PI4KA: variants seen among roughly 807,000 people sequenced by gnomAD.
The protein encoded by PI4KA is phosphatidylinositol 4-kinase alpha.
Under a neutral mutation model 271.4 loss-of-function variants are expected in PI4KA, and 122 were observed. The ratio of observed to expected loss-of-function variants is 0.45; its 90% CI spans 0.39 to 0.52. The LOEUF is 0.52. Among genes scored for constraint, PI4KA ranks in the 20% least tolerant of loss-of-function variants. The pLI is 0.00. For synonymous variants in PI4KA, 1,041 were observed against 1,078.8 expected (o/e 0.96, Z 0.69); for missense variants, 1,969 against 2,769.1 (o/e 0.71, Z 6.48).
At chr22:20,746,346 G>A (rs931647210) in intron 29 of PI4KA, among the ~76,000 whole-genome samples, 1 of 152,066 alleles carries the variant, frequency 6.6e-6, no homozygotes, top group African/African-American at 2.4e-5. Flanking sequence ...ACAGGCATGA[G>A]CCACCGTGCC....
chr22:20,842,102 C>A (rs567864515), intron 1 of PI4KA, among the ~76,000 whole-genome samples: 33 of 152,204 alleles, frequency 2.2e-4, no homozygotes, highest in Admixed American at 2.2e-3. Flanking sequence ...GTGGCAGGTG[C>A]CTGTAGTCCC....
At chr22:20,786,900 T>C (rs764156826) in intron 19 of PI4KA, 2 of 1,614,024 alleles carry the variant, frequency 1.2e-6, no homozygotes, top group African/African-American at 2.7e-5. Flanking sequence ...ACGATCACAG[T>C]GAACGAGGAA....
intron 4 of PI4KA, among the ~76,000 whole-genome samples, chr22:20,822,275 G>A (rs574684760): frequency 6.5e-4 from 99 of 152,150 alleles, no homozygotes; most frequent in African/African-American, 2.3e-3. Flanking sequence ...TCAAATTCCC[G>A]GGCTCAAGTG....
At chr22:20,842,304 C>T (rs1339015097) in intron 1 of PI4KA, among the ~76,000 whole-genome samples, 1 of 152,084 alleles carries the variant, frequency 6.6e-6, no homozygotes, top group Non-Finnish European at 1.5e-5. Context: ...AGATACACAG[C>T]CCTGCCATCA....
chr22:20,713,755 A>G (rs931456923), intron 47 of PI4KA, among the ~76,000 whole-genome samples: 1 of 152,222 alleles, frequency 6.6e-6, no homozygotes, highest in African/African-American at 2.4e-5. Flanking sequence ...CAGCGTGCAG[A>G]CATGGCCATG....
chr22:20,806,025 C>G (rs898742295), intron 10 of PI4KA, among the ~76,000 whole-genome samples: 3 of 152,042 alleles, frequency 2.0e-5, no homozygotes, highest in Admixed American at 2.0e-4. Context: ...CCAGCCAAGG[C>G]AGCCAGCAAC....
chr22:20,854,323 G>T (rs905494722), intron 1 of PI4KA, among the ~76,000 whole-genome samples: 2 of 151,966 alleles, frequency 1.3e-5, no homozygotes, highest in Admixed American at 1.3e-4. Context: ...GTTTCACCAT[G>T]TTGGCCAGGC....
intron 29 of PI4KA, among the ~76,000 whole-genome samples, chr22:20,746,722 G>A (rs1366766631): frequency 6.6e-6 from 1 of 152,216 alleles, no homozygotes; most frequent in Non-Finnish European, 1.5e-5. Flanking sequence ...GTGCAGGCTG[G>A]ACCCAGCTCA....
At chr22:20,746,178 T>G (rs944390394) in intron 29 of PI4KA, among the ~76,000 whole-genome samples, 3 of 147,408 alleles carry the variant, frequency 2.0e-5, no homozygotes, top group Non-Finnish European at 4.5e-5. Flanking sequence ...TTCTCCTGCC[T>G]CAGCCTCCCA....
chr22:20,824,122 A>T (rs373908709), intron 4 of PI4KA, among the ~76,000 whole-genome samples: 1 of 151,890 alleles, frequency 6.6e-6, no homozygotes, highest in East Asian at 1.9e-4. Context: ...AAAAAAAAAA[A>T]GAAAAGTTTA....
chr22:20,826,340 C>CA (rs1467039808), intron 3 of PI4KA, among the ~76,000 whole-genome samples: 1 of 151,660 alleles, frequency 6.6e-6, no homozygotes, highest in South Asian at 2.1e-4. Flanking sequence ...GAGATCGTCT[C>CA]AAAAAAAGAT....
intron 13 of PI4KA, 82 bp downstream of exon 13, chr22:20,803,107 TAC>T (rs1935423849): frequency 1.4e-6 from 2 of 1,410,174 alleles, no homozygotes; most frequent in East Asian, 2.3e-5. Flanking sequence ...TGCACCCAGG[TAC>T]AGTCATGAAA....
At chr22:20,849,387 T>C (rs762289185) in intron 1 of PI4KA, among the ~76,000 whole-genome samples, 4 of 152,242 alleles carry the variant, frequency 2.6e-5, no homozygotes, top group African/African-American at 7.2e-5. Flanking sequence ...GAAACACTTG[T>C]ACGTGAATTT....
intron 4 of PI4KA, among the ~76,000 whole-genome samples, chr22:20,822,347 AT>A (rs1375820656): frequency 3.3e-5 from 5 of 151,692 alleles, no homozygotes; most frequent in African/African-American, 4.9e-5. Context: ...ATCCATGACA[AT>A]AAGCTTATAG....
At chr22:20,798,046 C>G (rs991127110) in intron 17 of PI4KA, among the ~76,000 whole-genome samples, 4 of 152,180 alleles carry the variant, frequency 2.6e-5, no homozygotes, top group African/African-American at 9.7e-5. Flanking sequence ...ATACAAGTAT[C>G]AAATGTTCAA....
rs1601577465 is a variant in PI4KA, at chr22:20,824,860, T to C, written c.368-446A>G. ...GCCAAGGCAGACGGATCACCTGAGG[T>C]CGAGTTCAAGACCAGCCTGGCCAAC... On this transcript the variant is annotated intron_variant, in intron 3 of 54. Coordinates refer to ENST00000255882, the MANE Select transcript of PI4KA (RefSeq NM_058004.4). 2.7e-5 allele frequency among the ~76,000 whole-genome samples: 4 copies of C among 149,256 alleles called. No individual in the cohort carries two copies. The East Asian group carries it at 7.9e-4, about 30-fold the overall frequency.
chr22:20,801,421 TA>T (rs1223980142), intron 14 of PI4KA, among the ~76,000 whole-genome samples: 4 of 150,640 alleles, frequency 2.7e-5, no homozygotes, highest in African/African-American at 9.8e-5. Context: ...CCATCTCTAC[TA>T]AAAATATAAA....
intron 14 of PI4KA, among the ~76,000 whole-genome samples, chr22:20,800,514 G>T (rs965939560): frequency 2.6e-5 from 4 of 152,050 alleles, no homozygotes; most frequent in African/African-American, 9.7e-5. Flanking sequence ...TGGATGTTGA[G>T]CTAATGGATA....
intron 27 of PI4KA, among the ~76,000 whole-genome samples, chr22:20,750,372 T>G (rs540639256): frequency 1.3e-5 from 2 of 152,314 alleles, no homozygotes; most frequent in Admixed American, 6.5e-5. Context: ...GCCAACACTT[T>G]GATTTTACAC....
Sources: allele counts gnomAD v4.1 joint callset (sites outside exome capture counted in the v4.1 genomes callset), GRCh38; gene constraint gnomAD v4.1.1; transcripts MANE v1.5; gene names NCBI Gene and HGNC (gene_info 2026-07-23, HGNC 2026-07-21).